The following CNTN5 variants were observed in gnomAD, a reference collection of about 807,000 sequenced individuals.
CNTN5 encodes contactin-5.
Under a neutral mutation model 129.1 loss-of-function variants are expected in CNTN5, and 77 were observed. The ratio of observed to expected loss-of-function variants is 0.60; its 90% CI spans 0.50 to 0.72. The LOEUF is 0.72. Among genes scored for constraint, CNTN5 ranks in the 30% least tolerant of loss-of-function variants. CNTN5 has a pLI of 0.00. For missense variants in CNTN5, 1,478 were observed against 1,328.8 expected (o/e 1.11, Z -1.75); for synonymous variants, 509 against 465.6 (o/e 1.09, Z -1.20).
intron 15 of CNTN5, among the ~76,000 whole-genome samples, chr11:100,221,070 A>T (rs946353219): frequency 6.6e-6 from 1 of 152,198 alleles, no homozygotes; most frequent in Admixed American, 6.5e-5. Flanking sequence ...CAGAGACATG[A>T]ACAAAGTGAC....
At chr11:99,998,288 A>G (rs1174150819) in intron 8 of CNTN5, among the ~76,000 whole-genome samples, 1 of 151,982 alleles carries the variant, frequency 6.6e-6, no homozygotes, top group Non-Finnish European at 1.5e-5. Flanking sequence ...CCTCAAGCTG[A>G]TAAGCAACTT....
intron 21 of CNTN5, among the ~76,000 whole-genome samples, chr11:100,338,222 T>C (rs1346840305): frequency 6.6e-6 from 1 of 152,218 alleles, no homozygotes; most frequent in Non-Finnish European, 1.5e-5. Flanking sequence ...CAGCCAGCAC[T>C]GAGGTTGGTT....
chr11:99,884,766 C>T (rs1430830121), intron 6 of CNTN5, among the ~76,000 whole-genome samples: 9 of 152,162 alleles, frequency 5.9e-5, no homozygotes, highest in African/African-American at 2.2e-4. Flanking sequence ...CGCCTGAAGT[C>T]AGGAATTCAA....
chr11:99,538,923 G>A (rs1344828023), intron 2 of CNTN5, among the ~76,000 whole-genome samples: 1 of 152,162 alleles, frequency 6.6e-6, no homozygotes, highest in Non-Finnish European at 1.5e-5. Flanking sequence ...CCAAGAGAAA[G>A]ATTTATTTTA....
At chr11:99,737,538 G>A (rs900556794) in intron 3 of CNTN5, among the ~76,000 whole-genome samples, 10 of 151,884 alleles carry the variant, frequency 6.6e-5, no homozygotes, top group African/African-American at 1.9e-4. Flanking sequence ...TTTATTTCTG[G>A]TCTCTGTTTT....
At position 99,997,142 on chromosome 11, in the gene CNTN5, G is replaced by A. The variant is rs148199816; in HGVS notation, c.878-4892G>A. Among the ~76,000 whole-genome samples, 15 of 151,918 alleles carry A rather than the reference G, an allele frequency of 9.9e-5. No homozygotes were observed. The East Asian group carries it at 2.7e-3, about 28-fold the overall frequency. ...TTCTTCTCTCTTTTTTTCTTTATTA[G>A]TCTTGCTAGCGGTCTATCAATTTTG... On this transcript the variant is annotated intron_variant, in intron 8 of 24. Coordinates refer to ENST00000524871, the MANE Select transcript of CNTN5 (RefSeq NM_014361.4).
chr11:99,436,188 A>G (rs1943592993), intron 2 of CNTN5, among the ~76,000 whole-genome samples: 1 of 152,156 alleles, frequency 6.6e-6, no homozygotes, highest in Admixed American at 6.5e-5. Flanking sequence ...AGTGATGTCA[A>G]TTACTACATA....
intron 1 of CNTN5, among the ~76,000 whole-genome samples, chr11:99,216,041 G>C (rs545778598): frequency 4.6e-5 from 7 of 151,998 alleles, no homozygotes; most frequent in Non-Finnish European, 7.4e-5. Flanking sequence ...CATTCTTTTA[G>C]TTATTTTAAA....
chr11:99,148,277 C>T (rs1299436312), intron 1 of CNTN5, among the ~76,000 whole-genome samples: 1 of 151,970 alleles, frequency 6.6e-6, no homozygotes, highest in Non-Finnish European at 1.5e-5. Flanking sequence ...GTTTTTCTTT[C>T]ATCTTTTTGG....
At chr11:99,411,227 G>C (rs937621632) in intron 2 of CNTN5, among the ~76,000 whole-genome samples, 28 of 152,134 alleles carry the variant, frequency 1.8e-4, no homozygotes, top group African/African-American at 6.3e-4. Flanking sequence ...GAGGAAGCCA[G>C]AAATCAGACA....
At chr11:99,105,926 T>G (rs1306483625) in intron 1 of CNTN5, among the ~76,000 whole-genome samples, 1 of 152,300 alleles carries the variant, frequency 6.6e-6, no homozygotes, top group Admixed American at 6.5e-5. Context: ...AAATAATTTC[T>G]ATTTAAGGAC....
chr11:100,069,312 C>T (rs558608823), intron 10 of CNTN5, among the ~76,000 whole-genome samples: 2 of 152,018 alleles, frequency 1.3e-5, no homozygotes, highest in Admixed American at 6.6e-5. Flanking sequence ...GCCACCACAC[C>T]TGAATAATTT....
rs115627384 is a variant in CNTN5 at position 100,296,962 on chromosome 11, C to A, written c.2315-663C>A. ...AAAGTTCTTCATTTGAAAATGTTCC[C>A]TTTCAACTGCAGATTTCATGGTTTG... On this transcript the variant is annotated intron_variant, in intron 18 of 24. Transcript: ENST00000524871. Among the ~76,000 whole-genome samples, 1,007 of 151,646 alleles carry A rather than the reference C, an allele frequency of 6.6e-3. 15 individuals are homozygous for A. The highest frequency in any genetic ancestry group is 0.023 in the African/African-American group (941 of 41,448).
chr11:100,297,265 G>A (rs548143689), intron 18 of CNTN5, among the ~76,000 whole-genome samples: 7 of 151,466 alleles, frequency 4.6e-5, no homozygotes, highest in Admixed American at 1.3e-4. Context: ...GGCTCTGCAA[G>A]CCCCGGGATA....
At chr11:99,482,316 A>T (rs903393394) in intron 2 of CNTN5, among the ~76,000 whole-genome samples, 1 of 152,224 alleles carries the variant, frequency 6.6e-6, no homozygotes, top group Non-Finnish European at 1.5e-5. Flanking sequence ...AGCTGCAAAG[A>T]ACAGAAAGGT....
intron 3 of CNTN5, among the ~76,000 whole-genome samples, chr11:99,679,039 A>G (rs1266315112): frequency 6.8e-6 from 1 of 147,040 alleles, no homozygotes; most frequent in Non-Finnish European, 1.5e-5. Context: ...TATATAAAAT[A>G]TATGCATTTT....
intron 8 of CNTN5, among the ~76,000 whole-genome samples, chr11:99,986,198 TCTC>T (rs1938665306): frequency 6.6e-6 from 1 of 152,082 alleles, no homozygotes; most frequent in African/African-American, 2.4e-5. Flanking sequence ...TTGTAAACTT[TCTC>T]CTCTGTCAGC....
chr11:99,712,840 A>G (rs932455743), intron 3 of CNTN5, among the ~76,000 whole-genome samples: 2 of 151,510 alleles, frequency 1.3e-5, no homozygotes, highest in Non-Finnish European at 3.0e-5. Context: ...CGGTCTATAT[A>G]TCTGTTGTGG....
intron 13 of CNTN5, among the ~76,000 whole-genome samples, chr11:100,101,944 A>G (rs1486042691): frequency 6.6e-6 from 1 of 152,154 alleles, no homozygotes; most frequent in Non-Finnish European, 1.5e-5. Flanking sequence ...TCAGTGGTGT[A>G]AACCTACCAT....
Sources: gnomAD v4.1 joint callset for allele counts (sites outside exome capture counted in the v4.1 genomes callset) on GRCh38, gnomAD v4.1.1 for gene constraint, MANE v1.5 for transcripts, NCBI Gene and HGNC (gene_info 2026-07-23, HGNC 2026-07-21) for gene names.